FBXO43: variants seen among roughly 807,000 people sequenced by gnomAD.
The protein encoded by FBXO43 is F-box protein 43, also known as F-box only protein 43.
Under a neutral mutation model 56.7 loss-of-function variants are expected in FBXO43, and 22 were observed. That is an observed-to-expected ratio of 0.39 (90% CI 0.28 to 0.55). The LOEUF is 0.55. Ranked by LOEUF, FBXO43 falls within the 20% of genes least tolerant of loss-of-function variation. The pLI is 0.66. For missense variants in FBXO43, 733 were observed against 814.9 expected, an observed-to-expected ratio of 0.90 and a Z score of 1.22; for synonymous variants, 306 against 294.5, an observed-to-expected ratio of 1.04 and a Z score of -0.40.
At chr8:100,138,850 C>T (rs1563752443) in intron 2 of FBXO43, among the ~76,000 whole-genome samples, 1 of 152,156 alleles carries the variant, frequency 6.6e-6, no homozygotes, top group Non-Finnish European at 1.5e-5. Flanking sequence ...CCAGCCTGGG[C>T]AATGTAGTAA....
rs1358553942 is a variant in FBXO43 at position 100,145,531 on chromosome 8, G to A, written c.-396C>T. 2 of 158,910 alleles carry A rather than the reference G, an allele frequency of 1.3e-5. No homozygotes were observed. Among genetic ancestry groups the A allele is most frequent in the African/African-American group, 4.8e-5 (2 of 41,750 alleles). 9.8% of individuals were successfully genotyped at this position (158,910 alleles called of 1,614,324 possible). ...TGGGCTGGCGTCACCAGGAGCGGAG[G>A]AGTGAGGGCTGCCGCGCGCCTCCCT... On this transcript the variant is annotated 5_prime_UTR_variant, in exon 1 of 5. Coordinates refer to ENST00000428847, the MANE Select transcript of FBXO43 (RefSeq NM_001029860.4).
intron 2 of FBXO43, among the ~76,000 whole-genome samples, 199 bp from the exon 3 acceptor site, chr8:100,137,866 T>C (rs749679286): frequency 2.0e-5 from 3 of 147,332 alleles, no homozygotes; most frequent in Admixed American, 2.0e-4. Context: ...CAATTGTATA[T>C]GCCAGCAATA....
intron 2 of FBXO43, among the ~76,000 whole-genome samples, chr8:100,138,685 G>A (rs957088823): frequency 3.3e-5 from 5 of 152,148 alleles, no homozygotes; most frequent in Non-Finnish European, 7.4e-5. Flanking sequence ...ACATAAGCAA[G>A]CACCCAAAAG....
At chr8:100,140,487 A>C (rs1282854390) in intron 2 of FBXO43, among the ~76,000 whole-genome samples, 196 bp downstream of exon 2, 1 of 148,348 alleles carries the variant, frequency 6.7e-6, no homozygotes, top group Non-Finnish European at 1.5e-5. Flanking sequence ...AAAACAAAAC[A>C]AAACAAAACA....
At position 100,140,790 on chromosome 8, in the gene FBXO43, C is replaced by G. The variant is rs1814614883; in HGVS notation, c.1464G>C (p.Lys488Asn). The change falls in exon 2 of 5, where the codon AAG (lysine) becomes AAC (asparagine). Residue 488 changes from lysine to asparagine, a missense_variant. Lys to Asn is a moderately conservative substitution (Grantham distance 94). Coordinates refer to ENST00000428847, the MANE Select transcript of FBXO43 (RefSeq NM_001029860.4). ...LQCILAGLIGKKMGIEKLDIL... is the reference protein window; with the variant it reads ...LQCILAGLIGNKMGIEKLDIL... The stretch of plus-strand genomic sequence containing the variant: ...TGTCCAGTTTTTCTATACCCATTTT[C>G]TTGCCGATCAGTCCTGCAAGTATAC... 6.2e-7 allele frequency: 1 copy of G among 1,614,010 alleles called. No individual in the cohort carries two copies. The highest frequency in any genetic ancestry group is 1.3e-5 in the African/African-American group (1 of 74,932).
Position 100,134,365 on chromosome 8 carries a change from CT to C in FBXO43, c.1675-2del. The C allele has an allele frequency of 6.2e-7, 1 of 1,612,944 alleles. No individual in the cohort carries two copies. The highest frequency in any genetic ancestry group is 8.5e-7 in the Non-Finnish European group (1 of 1,179,884). On this transcript the variant is annotated splice_acceptor_variant, in intron 3 of 4. Transcript: ENST00000428847. LOFTEE classifies it high-confidence loss of function. ...CATCCTCGACATTTAATACAGCCCC[CT>C]GTGGTAAAGGACAAGAGGCATCAAT...
chr8:100,138,855 T>C (rs1367664116), intron 2 of FBXO43, among the ~76,000 whole-genome samples: 1 of 152,112 alleles, frequency 6.6e-6, no homozygotes, highest in African/African-American at 2.4e-5. Context: ...CTGGGCAATG[T>C]AGTAAGACCC....
rs372158041 is a variant in FBXO43 at position 100,134,312 on chromosome 8, C to T, written c.1727G>A (p.Arg576His). 5.6e-6 allele frequency: 9 copies of T among 1,613,804 alleles called. No individual in the cohort carries two copies. The highest frequency in any genetic ancestry group is 5.3e-5 in the African/African-American group (4 of 74,888). Reference protein sequence around the residue: ...DAATRLQLLNRSALRSVQAQA... With the variant: ...DAATRLQLLNHSALRSVQAQA... Reference sequence around the variant, plus strand: ...TGCCTGCACAGATCTTAAAGCTGAGCGATTTAAAAGCTGGAGCCGAGTGGC... The same window carrying T: ...TGCCTGCACAGATCTTAAAGCTGAGTGATTTAAAAGCTGGAGCCGAGTGGC... Residue 576 changes from arginine (R) to histidine (H), a missense_variant, in exon 4 of 5, where the codon CGC becomes CAC. Arg to His is a conservative substitution (Grantham distance 29). Transcript: ENST00000428847.
rs1393471010 is a variant in FBXO43, at chr8:100,133,674, A to G, written c.*128T>C. On this transcript the variant is annotated 3_prime_UTR_variant, in exon 5 of 5. Coordinates refer to ENST00000428847, the MANE Select transcript of FBXO43 (RefSeq NM_001029860.4). ...GAAAACATACAATGACATCGATTATAATATATACAAAATAGGAAATTAATC... is the reference window on the plus strand; with the variant it reads ...GAAAACATACAATGACATCGATTATGATATATACAAAATAGGAAATTAATC... 8.2e-6 allele frequency: 9 copies of G among 1,095,642 alleles called. No homozygotes were observed. Among genetic ancestry groups the G allele is most frequent in the Non-Finnish European group, 1.1e-5 (9 of 783,718 alleles). The allele number at this position is 1,095,642 out of a possible 1,614,324, so 67.9% of individuals were successfully genotyped here.
At position 100,142,065 on chromosome 8, in the gene FBXO43, G is replaced by A. The variant is rs780912182; in HGVS notation, c.189C>T (p.Thr63=). 7 of 1,613,738 alleles carry A rather than the reference G, an allele frequency of 4.3e-6. No homozygotes were observed. In the East Asian group the frequency reaches 6.7e-5, roughly 15 times the overall value. ...AAGATGTGGAACAAAAATCTCTGAA[G>A]GTGGAGTACTTGGAGTTGACAATTG... is the stretch of plus-strand genomic sequence containing the variant. The part of the protein sequence containing the change: ...SPPIVNSKYS[T]FRDFCSTSSF... Residue 63 remains threonine, a synonymous_variant, in exon 2 of 5, where the codon ACC becomes ACT. Transcript: ENST00000428847.
intron 1 of FBXO43, 51 bp downstream of exon 1, chr8:100,145,000 T>C (rs765658140): frequency 6.5e-7 from 1 of 1,546,868 alleles, no homozygotes. Context: ...GAGAATGAAG[T>C]ACTTACATTA....
Position 100,141,800 on chromosome 8 carries a change from A to G in FBXO43, c.454T>C (p.Cys152Arg), listed in dbSNP as rs1488865824. Residue 152 changes from cysteine (C) to arginine (R), a missense_variant, in exon 2 of 5, where the codon TGT becomes CGT. By Grantham distance (180) the Cys-to-Arg change is radical. Coordinates refer to ENST00000428847, the MANE Select transcript of FBXO43 (RefSeq NM_001029860.4). ...ACATTCAACCTTCTGCGAGGTAAAC[A>G]TTTTTTCCCACTGATTTTAGGTGTT... ...CETPKISGKK[C>R]LPRRRLNVSF... 1.3e-6 allele frequency: 2 copies of G among 1,582,438 alleles called. No individual in the cohort carries two copies. Among genetic ancestry groups the G allele is most frequent in the East Asian group, 4.5e-5 (2 of 44,516 alleles).
chr8:100,136,681 T>G lies in FBXO43; in HGVS notation c.1674+884A>C, dbSNP rs534009832. 3.9e-5 allele frequency among the ~76,000 whole-genome samples: 6 copies of G among 152,350 alleles called. No homozygotes were observed. The East Asian group carries it at 1.2e-3, about 29-fold the overall frequency. On this transcript the variant is annotated intron_variant, in intron 3 of 4. Transcript: ENST00000428847. ...CTTTCTCTGCTAAAACCCTCTTCTC[T>G]GTGTTCACCTGGCTAACTGCTAACT... is the stretch of plus-strand genomic sequence containing the variant.
rs755626723 is a variant in FBXO43 at position 100,141,424 on chromosome 8, T to C, written c.830A>G (p.Asn277Ser). 1 of 1,613,646 alleles carries C rather than the reference T, an allele frequency of 6.2e-7. No individual in the cohort carries two copies. The highest frequency in any genetic ancestry group is 8.5e-7 in the Non-Finnish European group (1 of 1,180,004). ...SDSSLCINDENACPELLGSSV... is the reference protein window; with the variant it reads ...SDSSLCINDESACPELLGSSV... ...GGAGCCCAGGAGCTCTGGACATGCA[T>C]TCTCATCATTAATGCATAAACTGCT... is the stretch of plus-strand genomic sequence containing the variant. Residue 277 changes from asparagine (N) to serine (S), a missense_variant, in exon 2 of 5, where the codon AAT becomes AGT. Asn to Ser is a conservative substitution (Grantham distance 46). Coordinates refer to ENST00000428847, the MANE Select transcript of FBXO43 (RefSeq NM_001029860.4).
Position 100,137,624 on chromosome 8 carries a change from C to T in FBXO43, c.1615G>A (p.Asp539Asn), listed in dbSNP as rs892289304. The T allele has an allele frequency of 1.2e-6, 2 of 1,613,028 alleles. No individual in the cohort carries two copies. Among genetic ancestry groups the T allele is most frequent in the Non-Finnish European group, 1.7e-6 (2 of 1,179,684 alleles). ...SRNWREIVVQ[D>N]KNANRRRKFY... ...TTCCTCCTCCGATTTGCATTTTTAT[C>T]TTGAACAACAATTTCACGCCAATTT... Residue 539 changes from aspartate to asparagine, a missense_variant, in exon 3 of 5, where the codon GAT becomes AAT. Coordinates refer to ENST00000428847, the MANE Select transcript of FBXO43 (RefSeq NM_001029860.4).
At chr8:100,139,893 T>A (rs1814584841) in intron 2 of FBXO43, among the ~76,000 whole-genome samples, 1 of 152,230 alleles carries the variant, frequency 6.6e-6, no homozygotes, top group African/African-American at 2.4e-5. Context: ...CGATTGTTTT[T>A]AAATTCTAGA....
rs781313170 is a variant in FBXO43 at position 100,141,685 on chromosome 8, A to G, written c.569T>C (p.Ile190Thr). The G allele has an allele frequency of 6.2e-7, 1 of 1,611,876 alleles. No individual in the cohort carries two copies. Among genetic ancestry groups the G allele is most frequent in the East Asian group, 2.2e-5 (1 of 44,792 alleles). The change falls in exon 2 of 5, where the codon ATT becomes ACT. Residue 190 changes from isoleucine to threonine, a missense_variant. Physicochemically the swap from Ile to Thr is moderately conservative, Grantham distance 89. Transcript: ENST00000428847. Reference protein sequence around the residue: ...ISQVINLEKNIPSSASGFSRA... With the variant: ...ISQVINLEKNTPSSASGFSRA... ...GGAAAAACCTGAAGCACTGCTTGGA[A>G]TATTTTTTTCTAAGTTGATAACTTG...
chr8:100,142,916 A>G (rs1814702891), intron 1 of FBXO43, among the ~76,000 whole-genome samples: 1 of 152,256 alleles, frequency 6.6e-6, no homozygotes, highest in Admixed American at 6.5e-5. Context: ...GTCCAGTTTC[A>G]GCCTTGAATT....
At chr8:100,142,224 T>C in intron 1 of FBXO43, 56 bp from the exon 2 acceptor site, 3 of 1,414,460 alleles carry the variant, frequency 2.1e-6, no homozygotes, top group Non-Finnish European at 2.8e-6. Flanking sequence ...AGGCAGCTTA[T>C]ACCAAAATAC....
Sources: gnomAD v4.1 joint callset for allele counts (sites outside exome capture counted in the v4.1 genomes callset) on GRCh38, gnomAD v4.1.1 for gene constraint, MANE v1.5 for transcripts, NCBI Gene and HGNC (gene_info 2026-07-23, HGNC 2026-07-21) for gene names.